CA10: variants seen among roughly 807,000 people sequenced by gnomAD.
The protein encoded by CA10 is carbonic anhydrase 10 (inactive), also known as carbonic anhydrase-related protein 10.
CA10 carries 14 observed loss-of-function variants against 44.2 expected under a neutral mutation model. That is an observed-to-expected ratio of 0.32 (90% CI 0.21 to 0.50). The LOEUF (loss-of-function observed/expected upper bound fraction) is 0.50. Among genes scored for constraint, CA10 ranks in the 20% least tolerant of loss-of-function variants. CA10 has a pLI of 0.99. For synonymous variants in CA10, 159 were observed against 141.6 expected (o/e 1.12, Z -0.87); for missense variants, 350 against 409.7 (o/e 0.85, Z 1.26).
At chr17:51,816,306 C>G (rs1042457902) in intron 3 of CA10, among the ~76,000 whole-genome samples, 1 of 152,150 alleles carries the variant, frequency 6.6e-6, no homozygotes, top group African/African-American at 2.4e-5. Context: ...TTTTCTTTAT[C>G]CAGTCATCTG....
At chr17:52,096,640 G>T (rs997157632) in intron 1 of CA10, among the ~76,000 whole-genome samples, 1 of 152,028 alleles carries the variant, frequency 6.6e-6, no homozygotes, top group East Asian at 1.9e-4. Context: ...TTCTGGAAGA[G>T]CCATTGATAT....
intron 4 of CA10, among the ~76,000 whole-genome samples, chr17:51,670,521 C>G (rs1209294704): frequency 1.3e-5 from 2 of 152,040 alleles, no homozygotes; most frequent in Non-Finnish European, 2.9e-5. Flanking sequence ...CTCTGGGACA[C>G]CAACTCATGC....
chr17:51,886,998 G>T (rs1373745102), intron 3 of CA10, among the ~76,000 whole-genome samples: 3 of 152,042 alleles, frequency 2.0e-5, no homozygotes, highest in Admixed American at 2.0e-4. Context: ...TTGGACTTGG[G>T]ACTGAATCAC....
chr17:51,933,386 C>T (rs1467024699), intron 2 of CA10, among the ~76,000 whole-genome samples: 1 of 151,924 alleles, frequency 6.6e-6, no homozygotes, highest in African/African-American at 2.4e-5. Flanking sequence ...GAAGATAATA[C>T]TCTGCTGGCT....
intron 4 of CA10, 67 bp downstream of exon 4, chr17:51,747,566 G>A (rs888136819): frequency 1.0e-5 from 13 of 1,303,178 alleles, no homozygotes; most frequent in African/African-American, 1.5e-5. Flanking sequence ...ATCCCATCTT[G>A]GACACAAACA....
intron 3 of CA10, among the ~76,000 whole-genome samples, chr17:51,771,728 T>G (rs1265027442): frequency 6.6e-6 from 1 of 152,220 alleles, no homozygotes; most frequent in Admixed American, 6.5e-5. Flanking sequence ...CTGATTGAAC[T>G]TGTACTTGGA....
intron 3 of CA10, among the ~76,000 whole-genome samples, chr17:51,760,670 G>T (rs779638702): frequency 6.6e-6 from 1 of 152,184 alleles, no homozygotes; most frequent in Non-Finnish European, 1.5e-5. Context: ...AAAATGAAAT[G>T]AAAGACTCTG....
intron 3 of CA10, among the ~76,000 whole-genome samples, chr17:51,825,488 G>A (rs1344102797): frequency 6.6e-6 from 1 of 152,106 alleles, no homozygotes; most frequent in Non-Finnish European, 1.5e-5. Flanking sequence ...AGATGAAAAA[G>A]CAGGCACAGA....
At chr17:51,919,911 T>G (rs1982162318) in intron 3 of CA10, among the ~76,000 whole-genome samples, 1 of 152,104 alleles carries the variant, frequency 6.6e-6, no homozygotes, top group South Asian at 2.1e-4. Flanking sequence ...CTTGGCCTGC[T>G]AAAGTGCTGG....
chr17:51,677,519 T>A lies in CA10; in HGVS notation c.466-23783A>T, dbSNP rs569700279. Among the ~76,000 whole-genome samples, 28 of 152,262 alleles carry A rather than the reference T, an allele frequency of 1.8e-4. 1 individual carries two copies. Among genetic ancestry groups the A allele is most frequent in the Non-Finnish European group, 3.8e-4 (26 of 68,018 alleles). On this transcript the variant is annotated intron_variant, in intron 4 of 8. Transcript: ENST00000451037. Reference sequence around the variant, plus strand: ...TGCAGAACCATGAACCAATGAAACCTCTTTTCTTATAATGTACCCAGTCTC... The same window carrying A: ...TGCAGAACCATGAACCAATGAAACCACTTTTCTTATAATGTACCCAGTCTC...
At chr17:51,838,543 C>T (rs1436690795) in intron 3 of CA10, among the ~76,000 whole-genome samples, 4 of 152,206 alleles carry the variant, frequency 2.6e-5, no homozygotes, top group East Asian at 1.9e-4. Flanking sequence ...TGCCATGAGG[C>T]GCTGAATGCA....
At chr17:51,923,704 C>G (rs971378083) in intron 3 of CA10, among the ~76,000 whole-genome samples, 1 of 152,134 alleles carries the variant, frequency 6.6e-6, no homozygotes, top group African/African-American at 2.4e-5. Flanking sequence ...CAAACCAATT[C>G]ACATTTCTTA....
chr17:51,775,829 G>A (rs1905797286), intron 3 of CA10, among the ~76,000 whole-genome samples: 2 of 152,126 alleles, frequency 1.3e-5, no homozygotes, highest in Admixed American at 1.3e-4. Flanking sequence ...TATGTATGTG[G>A]GGAAGAATGA....
intron 3 of CA10, among the ~76,000 whole-genome samples, chr17:51,817,415 C>T (rs1217742755): frequency 6.6e-6 from 1 of 152,118 alleles, no homozygotes; most frequent in Non-Finnish European, 1.5e-5. Context: ...TGCCCTAGGC[C>T]TTACTTTTCT....
chr17:51,921,672 C>T (rs571123921), intron 3 of CA10, among the ~76,000 whole-genome samples: 2 of 152,260 alleles, frequency 1.3e-5, no homozygotes, highest in South Asian at 2.1e-4. Flanking sequence ...AATGGCCTCA[C>T]TTGTCATGGA....
rs79462112 is a variant in CA10 at position 51,865,454 on chromosome 17, T to C, written c.279+65536A>G. On this transcript the variant is annotated intron_variant, in intron 3 of 8. Transcript: ENST00000451037. Reference sequence around the variant, plus strand: ...CCAAATGTCTAAGACTCCTCTTGGGTAGTGAAAAAGTTGAAAAGACATTTA... The same window carrying C: ...CCAAATGTCTAAGACTCCTCTTGGGCAGTGAAAAAGTTGAAAAGACATTTA... Among the ~76,000 whole-genome samples, 888 of 152,224 alleles carry C rather than the reference T, an allele frequency of 5.8e-3. 44 individuals are homozygous for C. Among genetic ancestry groups the C allele is most frequent in the Admixed American group, 0.041 (633 of 15,284 alleles).
At chr17:51,675,968 C>A (rs1353613790) in intron 4 of CA10, among the ~76,000 whole-genome samples, 1 of 152,156 alleles carries the variant, frequency 6.6e-6, no homozygotes, top group Admixed American at 6.5e-5. Flanking sequence ...CTTGTAGGGA[C>A]ATGAAGCACC....
intron 1 of CA10, among the ~76,000 whole-genome samples, chr17:52,121,219 G>A (rs537769545): frequency 6.6e-6 from 1 of 152,120 alleles, no homozygotes; most frequent in East Asian, 1.9e-4. Context: ...TGGCAAATAC[G>A]CTAAGAAATC....
chr17:51,639,772 C>T (rs1913005469), intron 6 of CA10, among the ~76,000 whole-genome samples: 1 of 152,210 alleles, frequency 6.6e-6, no homozygotes. Context: ...TTTAGACTCA[C>T]ATCGCAGTTG....
Sources: gnomAD v4.1 joint callset for allele counts (sites outside exome capture counted in the v4.1 genomes callset) on GRCh38, gnomAD v4.1.1 for gene constraint, MANE v1.5 for transcripts, NCBI Gene and HGNC (gene_info 2026-07-23, HGNC 2026-07-21) for gene names.